ATF7: variants seen among roughly 807,000 people sequenced by gnomAD.
The protein encoded by ATF7 is cyclic AMP-dependent transcription factor ATF-7.
ATF7 carries 10 observed loss-of-function variants against 50.4 expected under a neutral mutation model. The ratio of observed to expected loss-of-function variants is 0.20; its 90% CI spans 0.12 to 0.34. ATF7 has a LOEUF of 0.34. Among genes scored for constraint, ATF7 ranks in the 10% least tolerant of loss-of-function variants. The pLI is 1.00. For missense variants in ATF7, 465 were observed against 613.9 expected (o/e 0.76, Z 2.56); for synonymous variants, 201 against 226.4 (o/e 0.89, Z 1.01).
chr12:53,567,822 A>G (rs961168792), intron 2 of ATF7, among the ~76,000 whole-genome samples: 2 of 152,232 alleles, frequency 1.3e-5, no homozygotes, highest in Non-Finnish European at 2.9e-5. Context: ...AAGCAAGAAA[A>G]GGTTATTTTA....
intron 2 of ATF7, among the ~76,000 whole-genome samples, chr12:53,556,319 T>C (rs1940751461): frequency 6.6e-6 from 1 of 152,248 alleles, no homozygotes. Context: ...CTGGGCATGG[T>C]GGCGCATACC....
Position 53,531,785 on chromosome 12 carries a change from G to C in ATF7, c.886C>G (p.Leu296Val). The change falls in exon 9 of 12, where the codon CTC becomes GTC. Residue 296 changes from leucine to valine, a missense_variant. Physicochemically the swap from Leu to Val is conservative, Grantham distance 32. Coordinates refer to ENST00000420353, the MANE Select transcript of ATF7 (RefSeq NM_006856.3). ...GATGGGGCATCAGGGTGCTGGATGAGAATCTGGCTCTGCTCTGGGCGGGCT... is the reference window on the plus strand; with the variant it reads ...GATGGGGCATCAGGGTGCTGGATGACAATCTGGCTCTGCTCTGGGCGGGCT... ...VTARPEQSQI[L>V]IQHPDAPSPA... 1 of 1,612,516 alleles carries C rather than the reference G, an allele frequency of 6.2e-7. No homozygotes were observed.
chr12:53,610,676 A>G (rs1359944274), intron 1 of ATF7, among the ~76,000 whole-genome samples: 1 of 152,190 alleles, frequency 6.6e-6, no homozygotes, highest in Non-Finnish European at 1.5e-5. Flanking sequence ...AGAGCGTAAC[A>G]GGTACTGTTA....
At chr12:53,538,008 G>A (rs879796315) in intron 4 of ATF7, among the ~76,000 whole-genome samples, 5 of 152,096 alleles carry the variant, frequency 3.3e-5, no homozygotes, top group Non-Finnish European at 5.9e-5. Flanking sequence ...CACTGCATCC[G>A]GCCAAGAAAT....
At chr12:53,589,213 C>T (rs1412757238) in intron 2 of ATF7, among the ~76,000 whole-genome samples, 3 of 152,312 alleles carry the variant, frequency 2.0e-5, no homozygotes, top group South Asian at 2.1e-4. Context: ...ACAACTCCAT[C>T]ACAAAATACT....
At chr12:53,543,261 C>T (rs542600295) in intron 4 of ATF7, 69 bp downstream of exon 4, 1 of 1,551,638 alleles carries the variant, frequency 6.4e-7, no homozygotes, top group Admixed American at 2.0e-5. Flanking sequence ...AGAAAATTAT[C>T]CCAAAGCACA....
At chr12:53,597,203 A>G (rs1191201571) in intron 2 of ATF7, among the ~76,000 whole-genome samples, 1 of 152,144 alleles carries the variant, frequency 6.6e-6, no homozygotes, top group African/African-American at 2.4e-5. Flanking sequence ...TTTTAAGCAC[A>G]TGCAGCATAT....
Position 53,524,837 on chromosome 12 carries a change from A to T in ATF7, c.928-76T>A. On this transcript the variant is annotated intron_variant, in intron 9 of 11. Transcript: ENST00000420353. This position sits in a 1 kb window ranked among gnomAD's most constrained non-coding sequence, Gnocchi z 4.6. ...CCAAATCACACCTGATGTTAGGTAG[A>T]GTAGTAAGATCTGGTAAAAGGATAT... 1 of 1,311,196 alleles carries T rather than the reference A, an allele frequency of 7.6e-7. No individual in the cohort carries two copies. Among genetic ancestry groups the T allele is most frequent in the Non-Finnish European group, 1.0e-6 (1 of 976,348 alleles). 81.2% of individuals were successfully genotyped at this position (1,311,196 alleles called of 1,614,324 possible). A position where few individuals can be genotyped will look rare whatever the true frequency, so the allele number is the denominator to read the frequency against.
intron 1 of ATF7, among the ~76,000 whole-genome samples, chr12:53,621,055 A>G (rs889121616): frequency 1.3e-5 from 2 of 152,362 alleles, no homozygotes; most frequent in East Asian, 3.9e-4. Context: ...CAGTAGCATA[A>G]GATACCCAAA....
chr12:53,607,629 G>A (rs1943668914), intron 1 of ATF7, among the ~76,000 whole-genome samples: 1 of 151,454 alleles, frequency 6.6e-6, no homozygotes, highest in South Asian at 2.1e-4. Context: ...AAAAATATGA[G>A]AAAATGCCGT....
intron 2 of ATF7, among the ~76,000 whole-genome samples, chr12:53,575,327 A>C (rs1942004094): frequency 6.6e-6 from 1 of 152,020 alleles, no homozygotes; most frequent in Non-Finnish European, 1.5e-5. Flanking sequence ...GAATCGCTTG[A>C]ACCCAGGAGG....
chr12:53,563,606 G>A (rs528911263), intron 2 of ATF7, among the ~76,000 whole-genome samples: 2 of 152,332 alleles, frequency 1.3e-5, no homozygotes, highest in South Asian at 4.1e-4. Context: ...AACAGAACAA[G>A]GATGTCTCAA....
intron 2 of ATF7, among the ~76,000 whole-genome samples, chr12:53,577,576 C>T (rs1442842993): frequency 3.3e-5 from 5 of 151,694 alleles, no homozygotes; most frequent in Non-Finnish European, 7.4e-5. Flanking sequence ...ATTAGCTGGG[C>T]GCAGTGGCGG....
At chr12:53,585,379 T>C (rs2137729094) in intron 2 of ATF7, among the ~76,000 whole-genome samples, 1 of 152,276 alleles carries the variant, frequency 6.6e-6, no homozygotes, top group South Asian at 2.1e-4. Context: ...GTTCATTGAA[T>C]GTAACAAATT....
At chr12:53,543,235 G>T in intron 4 of ATF7, 95 bp downstream of exon 4, 1 of 1,551,036 alleles carries the variant, frequency 6.4e-7, no homozygotes, top group African/African-American at 1.4e-5. Context: ...CCATGATTTT[G>T]TGTTTTAACC....
At chr12:53,527,067 G>A (rs555561243) in intron 9 of ATF7, among the ~76,000 whole-genome samples, 18 of 149,688 alleles carry the variant, frequency 1.2e-4, no homozygotes, top group Admixed American at 4.7e-4. Context: ...GCTGAGGCAG[G>A]AGAATCGGTT....
intron 2 of ATF7, among the ~76,000 whole-genome samples, chr12:53,580,194 G>T (rs1942337176): frequency 6.6e-6 from 1 of 150,424 alleles, no homozygotes; most frequent in African/African-American, 2.4e-5. Context: ...GCCTCCCAAA[G>T]TGCTGGAATT....
chr12:53,575,998 C>G (rs1298264743), intron 2 of ATF7: 1 of 154,886 alleles, frequency 6.5e-6, no homozygotes, highest in Non-Finnish European at 1.5e-5. Flanking sequence ...ATGATAAACA[C>G]TGGAAGGCAC....
chr12:53,599,257 C>G (rs1410473228), intron 2 of ATF7, among the ~76,000 whole-genome samples: 3 of 151,204 alleles, frequency 2.0e-5, no homozygotes. Context: ...CCAGGCTGGT[C>G]TCAAACTCCT....
Sources: allele counts gnomAD v4.1 joint callset (sites outside exome capture counted in the v4.1 genomes callset), GRCh38; gene constraint gnomAD v4.1.1; non-coding constraint Gnocchi (gnomAD v3.1); transcripts MANE v1.5; gene names NCBI Gene and HGNC (gene_info 2026-07-23, HGNC 2026-07-21).